Variants in ANKRD13A observed in about 807,000 individuals in gnomAD.
The protein encoded by ANKRD13A is ankyrin repeat domain-containing protein 13A.
ANKRD13A carries 48 observed loss-of-function variants against 81.3 expected under a neutral mutation model. That is an observed-to-expected ratio of 0.59 (90% confidence interval 0.47 to 0.75). The LOEUF is 0.75. Among genes scored for constraint, ANKRD13A ranks in the 30% least tolerant of loss-of-function variants. The pLI, the probability that ANKRD13A is intolerant of heterozygous loss-of-function variation, is 0.00. For synonymous variants in ANKRD13A, 230 were observed against 270.1 expected (o/e 0.85, Z 1.45); for missense variants, 612 against 734.0 (o/e 0.83, Z 1.92).
intron 1 of ANKRD13A, among the ~76,000 whole-genome samples, chr12:110,004,509 G>A (rs1890145474): frequency 6.6e-6 from 1 of 151,848 alleles, no homozygotes; most frequent in Non-Finnish European, 1.5e-5. Context: ...CAGCTACCCG[G>A]GAGGCTGAGG....
intron 1 of ANKRD13A, among the ~76,000 whole-genome samples, chr12:110,002,575 C>T (rs1455492018): frequency 6.6e-6 from 1 of 152,136 alleles, no homozygotes; most frequent in Admixed American, 6.5e-5. Context: ...AAGATCGTGC[C>T]ACTGCACTCC....
intron 1 of ANKRD13A, among the ~76,000 whole-genome samples, chr12:110,007,848 A>G (rs1289223090): frequency 1.3e-5 from 2 of 152,234 alleles, no homozygotes; most frequent in Non-Finnish European, 2.9e-5. Context: ...ATGTAGAAAT[A>G]TAATTGATTA....
chr12:110,028,738 C>T, intron 10 of ANKRD13A, 96 bp downstream of exon 10: 1 of 1,524,228 alleles, frequency 6.6e-7, no homozygotes, highest in Non-Finnish European at 8.9e-7. Flanking sequence ...GCCCTCCCCA[C>T]CACCCTTATT....
chr12:110,037,580 C>G lies in ANKRD13A; in HGVS notation c.*26C>G, dbSNP rs1892142188. The stretch of plus-strand genomic sequence containing the variant: ...ACCTTTCAGCCTGTGAGCCTCTGCA[C>G]AAAGCAGAGGCTGTGGGCTGTCACA... On this transcript the variant is annotated 3_prime_UTR_variant, in exon 15 of 15. Transcript: ENST00000261739. 1 of 1,600,164 alleles carries G rather than the reference C, an allele frequency of 6.2e-7. No homozygotes were observed. The highest frequency in any genetic ancestry group is 1.1e-5 in the South Asian group (1 of 90,336).
At chr12:110,028,051 T>C in intron 9 of ANKRD13A, 2 of 432,000 alleles carry the variant, frequency 4.6e-6, no homozygotes, top group South Asian at 2.9e-5. Flanking sequence ...TAAAAAGGAT[T>C]CAGGACTTTA....
At position 110,029,632 on chromosome 12, in the gene ANKRD13A, A is replaced by C. The variant is rs2137165173; in HGVS notation, c.1231A>C (p.Ile411Leu). ...ATTCCCACCTGGATTTCCTGTCAAA[A>C]TAGGTACTGCTAAATAAACTTCAGC... ...LEFPPGFPVK[I>L]EIPLFHVLNA... is the part of the protein sequence containing the mutation. Residue 411 changes from isoleucine to leucine, a missense_variant, in exon 11 of 15, where the codon ATA becomes CTA. Physicochemically the swap from Ile to Leu is conservative, Grantham distance 5. Coordinates refer to ENST00000261739, the MANE Select transcript of ANKRD13A (RefSeq NM_033121.2). The C allele has an allele frequency of 1.9e-6, 3 of 1,612,832 alleles. No individual in the cohort carries two copies. The highest frequency in any genetic ancestry group is 1.1e-5 in the South Asian group (1 of 91,064).
intron 8 of ANKRD13A, 160 bp from the exon 9 acceptor site, chr12:110,027,545 G>T: frequency 1.5e-6 from 1 of 678,104 alleles, no homozygotes; most frequent in Non-Finnish European, 2.6e-6. Context: ...ACCCTATAAA[G>T]GATAAATTAG....
intron 3 of ANKRD13A, among the ~76,000 whole-genome samples, chr12:110,013,911 A>C (rs1309354728): frequency 6.6e-6 from 1 of 152,084 alleles, no homozygotes; most frequent in Non-Finnish European, 1.5e-5. Context: ...CCTCCTGAGC[A>C]TCTGTAATCT....
At chr12:110,034,425 C>T (rs1891901242) in intron 13 of ANKRD13A, among the ~76,000 whole-genome samples, 1 of 152,012 alleles carries the variant, frequency 6.6e-6, no homozygotes, top group South Asian at 2.1e-4. Flanking sequence ...CAGGACAGAC[C>T]TGTGTAAGCA....
At chr12:110,031,890 T>C (rs1488738982) in intron 12 of ANKRD13A, among the ~76,000 whole-genome samples, 1 of 152,176 alleles carries the variant, frequency 6.6e-6, no homozygotes, top group African/African-American at 2.4e-5. Flanking sequence ...TCTTACACAA[T>C]TGCATGGCCA....
At chr12:110,003,483 C>T (rs1890085578) in intron 1 of ANKRD13A, among the ~76,000 whole-genome samples, 1 of 152,234 alleles carries the variant, frequency 6.6e-6, no homozygotes, top group Non-Finnish European at 1.5e-5. Flanking sequence ...CCTGTTTCCA[C>T]TGACTCAGCG....
At chr12:110,028,976 TC>T (rs1236795792) in intron 10 of ANKRD13A, 1 of 200,606 alleles carries the variant, frequency 5.0e-6, no homozygotes, top group Admixed American at 5.4e-5. Context: ...GACCTTGTGA[TC>T]CGCCCGCCTG....
At chr12:110,028,380 C>G (rs755033810) in intron 9 of ANKRD13A, 132 bp from the exon 10 acceptor site, 1 of 985,908 alleles carries the variant, frequency 1.0e-6, no homozygotes. Context: ...TTGTTCCATG[C>G]AAAAAAGTTA....
rs1286197299 is a variant in ANKRD13A, at chr12:110,038,142, A to G, written c.*588A>G. On this transcript the variant is annotated 3_prime_UTR_variant, in exon 15 of 15. Coordinates refer to ENST00000261739, the MANE Select transcript of ANKRD13A (RefSeq NM_033121.2). Reference sequence around the variant, plus strand: ...ACCCAGCTAAAGTTAGAGGAGATACATATAGAATCTATTTTAGATTATTGT... The same window carrying G: ...ACCCAGCTAAAGTTAGAGGAGATACGTATAGAATCTATTTTAGATTATTGT... The G allele has an allele frequency of 2.0e-5, 3 of 152,720 alleles. 1 individual carries two copies. Among genetic ancestry groups the G allele is most frequent in the Non-Finnish European group, 4.4e-5 (3 of 68,096 alleles). 9.5% of individuals were successfully genotyped at this position (152,720 alleles called of 1,614,324 possible).
chr12:110,012,400 G>C (rs1431442736), intron 2 of ANKRD13A, among the ~76,000 whole-genome samples: 2 of 152,136 alleles, frequency 1.3e-5, no homozygotes, highest in Non-Finnish European at 2.9e-5. Flanking sequence ...TTCTGTTTCT[G>C]AATAAAGGCC....
chr12:110,037,571 G>T lies in ANKRD13A; in HGVS notation c.*17G>T, dbSNP rs1418871824. ...GACAAATAGACCTTTCAGCCTGTGA[G>T]CCTCTGCACAAAGCAGAGGCTGTGG... On this transcript the variant is annotated 3_prime_UTR_variant, in exon 15 of 15. Transcript: ENST00000261739. 1 of 1,608,702 alleles carries T rather than the reference G, an allele frequency of 6.2e-7. No homozygotes were observed. The highest frequency in any genetic ancestry group is 1.7e-5 in the Admixed American group (1 of 59,764).
At chr12:110,011,319 G>A (rs1432548769) in intron 1 of ANKRD13A, among the ~76,000 whole-genome samples, 2 of 152,208 alleles carry the variant, frequency 1.3e-5, no homozygotes, top group Admixed American at 6.5e-5. Flanking sequence ...AGAGCCAGGT[G>A]TGCATGTCTA....
intron 10 of ANKRD13A, chr12:110,029,209 C>G: frequency 3.0e-6 from 1 of 331,688 alleles, no homozygotes; most frequent in Non-Finnish European, 5.5e-6. Flanking sequence ...TGAAACTGTT[C>G]CACCCGCTAT....
rs1890029655 is a variant in ANKRD13A, at chr12:110,002,483, G to C, written c.96+2699G>C. ...AATACAAAAATAGCTGGATGTGGTGGCACGTGCTTGTAATCCCAGCTACTC... is the reference window on the plus strand; with the variant it reads ...AATACAAAAATAGCTGGATGTGGTGCCACGTGCTTGTAATCCCAGCTACTC... On this transcript the variant is annotated intron_variant, in intron 1 of 14. Coordinates refer to ENST00000261739, the MANE Select transcript of ANKRD13A (RefSeq NM_033121.2). 2.0e-5 allele frequency among the ~76,000 whole-genome samples: 3 copies of C among 152,126 alleles called. No individual in the cohort carries two copies. The South Asian group carries it at 6.2e-4, about 32-fold the overall frequency.
Sources: allele counts gnomAD v4.1 joint callset (sites outside exome capture counted in the v4.1 genomes callset), GRCh38; gene constraint gnomAD v4.1.1; transcripts MANE v1.5; gene names NCBI Gene and HGNC (gene_info 2026-07-23, HGNC 2026-07-21).